FBLIM1: variants seen among roughly 807,000 people sequenced by gnomAD.
FBLIM1 encodes the protein filamin-binding LIM protein 1.
In FBLIM1, 29 loss-of-function variants were observed where a neutral mutation model predicts 37.4. The observed-to-expected ratio is 0.77, with a 90% CI of 0.58 to 1.06. The LOEUF is 1.06. Ranked by LOEUF, FBLIM1 falls within the 50% of genes least tolerant of loss-of-function variation. The probability of loss-of-function intolerance (pLI) is 0.00; values close to 1 mark genes in which losing one functional copy is unlikely to be tolerated. For synonymous variants in FBLIM1, 193 were observed against 199.0 expected (o/e 0.97, Z 0.25); for missense variants, 449 against 505.6 (o/e 0.89, Z 1.07).
In FBLIM1 at chr1:15,759,060, CG is replaced by C. The variant is rs1454894246; in HGVS notation, c.-211+214del. Reference sequence around the variant, plus strand: ...GTCTCTCTCCCCGGAGTCGGGGAGTCGGCAGGTCCGGGGCGAGGGCTCAGTG... The same window carrying C: ...GTCTCTCTCCCCGGAGTCGGGGAGTCGCAGGTCCGGGGCGAGGGCTCAGTG... On this transcript the variant is annotated intron_variant, in intron 1 of 8. Coordinates refer to ENST00000375766, the MANE Select transcript of FBLIM1 (RefSeq NM_017556.4). Among the ~76,000 whole-genome samples, 8 of 152,140 alleles carry C rather than the reference CG, an allele frequency of 5.3e-5. No individual in the cohort carries two copies. In the East Asian group the frequency reaches 1.4e-3, roughly 26 times the overall value.
At chr1:15,782,486 T>C (rs903684815) in intron 8 of FBLIM1, among the ~76,000 whole-genome samples, 2 of 150,748 alleles carry the variant, frequency 1.3e-5, no homozygotes, top group Non-Finnish European at 3.0e-5. Context: ...GTGGGCTGGG[T>C]TCAGTGAGGT....
chr1:15,766,352 A>C (rs571406630), intron 3 of FBLIM1, among the ~76,000 whole-genome samples: 180 of 152,302 alleles, frequency 1.2e-3, no homozygotes, highest in African/African-American at 4.2e-3. Context: ...GCAGGAGTGC[A>C]GTGGTGCGAT....
chr1:15,769,793 G>A (rs932954858), intron 5 of FBLIM1, among the ~76,000 whole-genome samples: 17 of 151,654 alleles, frequency 1.1e-4, no homozygotes, highest in African/African-American at 3.9e-4. Context: ...CCGCTACCAC[G>A]CCCAGCTAAT....
intron 2 of FBLIM1, 56 bp from the exon 3 acceptor site, chr1:15,764,908 G>A: frequency 6.5e-7 from 1 of 1,527,200 alleles, no homozygotes; most frequent in Non-Finnish European, 8.8e-7. Flanking sequence ...CCTCTCGGGG[G>A]AGGGTGGCTG....
Position 15,765,274 on chromosome 1 carries a change from C to A in FBLIM1, c.250+41C>A. On this transcript the variant is annotated intron_variant, in intron 3 of 8. Transcript: ENST00000375766. This position sits in a 1 kb window ranked among gnomAD's most constrained non-coding sequence, Gnocchi z 5.9. ...ACTTTGGGGAAGACCACGTCAGAGG[C>A]AGAGGTGGGGAGGAAAGGGCAGGCT... 1 of 1,569,662 alleles carries A rather than the reference C, an allele frequency of 6.4e-7. No homozygotes were observed. The highest frequency in any genetic ancestry group is 1.2e-5 in the South Asian group (1 of 86,150).
At position 15,774,543 on chromosome 1, in the gene FBLIM1, C is replaced by G. The variant is rs1410112286; in HGVS notation, c.712-75C>G. On this transcript the variant is annotated intron_variant, in intron 6 of 8. Coordinates refer to ENST00000375766, the MANE Select transcript of FBLIM1 (RefSeq NM_017556.4). ...CAGTTCCTGGGCCCCTGAGGGCAGC[C>G]TCTCAGAAGAAGACGACCCTCGTGG... The G allele has an allele frequency of 9.8e-6, 15 of 1,531,352 alleles. No homozygotes were observed. The East Asian group carries it at 3.2e-4, about 32-fold the overall frequency. 94.9% of individuals were successfully genotyped at this position (1,531,352 alleles called of 1,614,324 possible).
At chr1:15,778,614 G>A (rs2069556932) in intron 8 of FBLIM1, among the ~76,000 whole-genome samples, 1 of 148,974 alleles carries the variant, frequency 6.7e-6, no homozygotes, top group Non-Finnish European at 1.5e-5. Context: ...GAGCAAGCCT[G>A]AAGAATCAGA....
chr1:15,770,067 C>T (rs1366443940), intron 5 of FBLIM1, among the ~76,000 whole-genome samples: 5 of 151,898 alleles, frequency 3.3e-5, no homozygotes, highest in African/African-American at 4.8e-5. Context: ...CTGCCTCAGC[C>T]CCATGAGTAG....
intron 8 of FBLIM1, among the ~76,000 whole-genome samples, chr1:15,778,304 C>T (rs4661335): frequency 0.42 from 64,565 of 151,982 alleles, 14,446 homozygotes; most frequent in East Asian, 0.76. Context: ...GTGCCTCACA[C>T]CTGTAATCCC....
At chr1:15,763,415 G>C (rs970218146) in intron 1 of FBLIM1, among the ~76,000 whole-genome samples, 1 of 151,406 alleles carries the variant, frequency 6.6e-6, no homozygotes, top group Non-Finnish European at 1.5e-5. Flanking sequence ...GGCGGATCAC[G>C]AGGTCAGGAG....
chr1:15,765,233 G>A lies in FBLIM1; in HGVS notation c.250G>A (p.Gly84Arg). Reference protein sequence around the residue: ...PAAPMQLFNGGCPPPPPVLDG... With the variant: ...PAAPMQLFNGRCPPPPPVLDG... Reference sequence around the variant, plus strand: ...TGCACCTATGCAGCTCTTCAATGGAGGTAAGAGCTGAGGGGACTTTGGGGA... The same window carrying A: ...TGCACCTATGCAGCTCTTCAATGGAAGTAAGAGCTGAGGGGACTTTGGGGA... The change falls in exon 3 of 9, where the codon GGA (glycine) becomes AGA (arginine). Residue 84 changes from glycine (G) to arginine (R), a missense_variant and splice_region_variant. Coordinates refer to ENST00000375766, the MANE Select transcript of FBLIM1 (RefSeq NM_017556.4). The surrounding 1 kb of genome is among the most constrained non-coding windows in gnomAD (Gnocchi z 5.9). 6.2e-7 allele frequency: 1 copy of A among 1,607,270 alleles called. No individual in the cohort carries two copies.
intron 8 of FBLIM1, 22 bp downstream of exon 8, chr1:15,777,309 T>G: frequency 3.8e-6 from 6 of 1,569,066 alleles, no homozygotes; most frequent in Non-Finnish European, 5.3e-6. Flanking sequence ...CTAGGTGGTT[T>G]AATAACATTC....
Position 15,759,388 on chromosome 1 carries a change from A to T in FBLIM1, c.-211+540A>T, listed in dbSNP as rs903151883. On this transcript the variant is annotated intron_variant, in intron 1 of 8. Transcript: ENST00000375766. ...CGTCGGGGGCTGAGAAGGTGTGGAG[A>T]TGGGCGATACCCAGGTGTGTGCCCT... Among the ~76,000 whole-genome samples, 12 of 152,158 alleles carry T rather than the reference A, an allele frequency of 7.9e-5. No homozygotes were observed. In the South Asian group the frequency reaches 1.2e-3, roughly 16 times the overall value.
rs1431845310 is a variant in FBLIM1 at position 15,763,946 on chromosome 1, G to A, written c.-210-550G>A. Reference sequence around the variant, plus strand: ...GAGCCACCATGCCCGGCCCATGGAAGGTTTTTGAGTAAAGGAGAAAGAGAT... The same window carrying A: ...GAGCCACCATGCCCGGCCCATGGAAAGTTTTTGAGTAAAGGAGAAAGAGAT... On this transcript the variant is annotated intron_variant, in intron 1 of 8. Coordinates refer to ENST00000375766, the MANE Select transcript of FBLIM1 (RefSeq NM_017556.4). Among the ~76,000 whole-genome samples the A allele has an allele frequency of 2.0e-5, 3 of 152,120 alleles. 1 individual carries two copies. Among genetic ancestry groups the A allele is most frequent in the Non-Finnish European group, 4.4e-5 (3 of 68,026 alleles).
At chr1:15,783,995 C>T (rs1039217243) in intron 8 of FBLIM1, among the ~76,000 whole-genome samples, 3 of 152,120 alleles carry the variant, frequency 2.0e-5, no homozygotes, top group African/African-American at 7.2e-5. Context: ...TCGAGACCAG[C>T]CTGACCAACA....
intron 1 of FBLIM1, among the ~76,000 whole-genome samples, chr1:15,759,274 CG>C (rs1205239225): frequency 6.6e-6 from 1 of 152,172 alleles, no homozygotes; most frequent in African/African-American, 2.4e-5. Flanking sequence ...TTCCGGAGCC[CG>C]GGGGCGCTCC....
intron 4 of FBLIM1, 141 bp from the exon 5 acceptor site, chr1:15,768,387 G>A (rs1392191781): frequency 2.3e-5 from 12 of 529,530 alleles, no homozygotes; most frequent in South Asian, 3.5e-5. Flanking sequence ...AGAGACTTAC[G>A]CAGGTCCCTT....
At chr1:15,774,070 A>G (rs1187436571) in intron 6 of FBLIM1, among the ~76,000 whole-genome samples, 2 of 152,062 alleles carry the variant, frequency 1.3e-5, no homozygotes, top group African/African-American at 4.8e-5. Context: ...CAAGTAGAGG[A>G]TGCAGTGAGC....
At chr1:15,782,007 C>G (rs544740240) in intron 8 of FBLIM1, among the ~76,000 whole-genome samples, 1 of 151,796 alleles carries the variant, frequency 6.6e-6, no homozygotes, top group South Asian at 2.1e-4. Flanking sequence ...TGTGAGCCAC[C>G]GCACCTGGCC....
Sources: allele counts gnomAD v4.1 joint callset (sites outside exome capture counted in the v4.1 genomes callset), GRCh38; gene constraint gnomAD v4.1.1; non-coding constraint Gnocchi (gnomAD v3.1); transcripts MANE v1.5; gene names NCBI Gene and HGNC (gene_info 2026-07-23, HGNC 2026-07-21).